The following OPCML variants were observed in gnomAD, a reference collection of about 807,000 sequenced individuals.
OPCML encodes the protein opioid-binding protein/cell adhesion molecule.
Under a neutral mutation model 37.8 loss-of-function variants are expected in OPCML, and 13 were observed. The observed-to-expected ratio is 0.34, with a 90% CI of 0.22 to 0.55. The LOEUF is 0.55. OPCML is among the 20% of genes least tolerant of loss of function. The probability of loss-of-function intolerance (pLI) is 0.91; values close to 1 mark genes in which losing one functional copy is unlikely to be tolerated. For synonymous variants in OPCML, 176 were observed against 168.8 expected (o/e 1.04, Z -0.33); for missense variants, 341 against 435.6 (o/e 0.78, Z 1.93).
intron 2 of OPCML, among the ~76,000 whole-genome samples, chr11:132,774,464 T>G: frequency 6.6e-6 from 1 of 152,170 alleles, no homozygotes; most frequent in East Asian, 1.9e-4. Context: ...TGGGACATAG[T>G]GCTGGAAAGC....
At chr11:133,512,856 A>G (rs1162259165) in intron 1 of OPCML, among the ~76,000 whole-genome samples, 1 of 152,216 alleles carries the variant, frequency 6.6e-6, no homozygotes, top group East Asian at 1.9e-4. Context: ...CCCTATCTAC[A>G]AGGATATTAG....
intron 4 of OPCML, among the ~76,000 whole-genome samples, chr11:132,442,819 T>G (rs1031292012): frequency 1.3e-5 from 2 of 152,186 alleles, no homozygotes; most frequent in African/African-American, 4.8e-5. Flanking sequence ...CCACTATGAC[T>G]GTGAGGCTTC....
At chr11:133,076,098 T>C (rs1307207395) in intron 1 of OPCML, among the ~76,000 whole-genome samples, 1 of 152,198 alleles carries the variant, frequency 6.6e-6, no homozygotes, top group Non-Finnish European at 1.5e-5. Flanking sequence ...ATTTTTTATA[T>C]AAACATATAT....
At chr11:133,315,510 C>A (rs1324741901) in intron 1 of OPCML, among the ~76,000 whole-genome samples, 4 of 152,146 alleles carry the variant, frequency 2.6e-5, no homozygotes, top group Non-Finnish European at 5.9e-5. Context: ...ACATTAAAAC[C>A]ATTTCAGGCT....
chr11:132,688,573 C>A (rs1943261519), intron 2 of OPCML, among the ~76,000 whole-genome samples: 2 of 152,048 alleles, frequency 1.3e-5, no homozygotes, highest in South Asian at 4.1e-4. Flanking sequence ...TCAATGCAGC[C>A]TGGAAATAAT....
At chr11:133,471,308 T>C (rs1308922561) in intron 1 of OPCML, among the ~76,000 whole-genome samples, 2 of 152,166 alleles carry the variant, frequency 1.3e-5, no homozygotes, top group Non-Finnish European at 2.9e-5. Context: ...CAAAGGAATA[T>C]GTAAAATAGA....
intron 3 of OPCML, among the ~76,000 whole-genome samples, chr11:132,575,884 T>A (rs573418864): frequency 7.0e-4 from 107 of 152,204 alleles, no homozygotes; most frequent in Non-Finnish European, 7.7e-4. Context: ...TTGTCTTCTA[T>A]TTTTTTAGAT....
chr11:132,438,608 G>A (rs2096021110), intron 4 of OPCML, among the ~76,000 whole-genome samples: 1 of 151,852 alleles, frequency 6.6e-6, no homozygotes, highest in East Asian at 1.9e-4. Flanking sequence ...AGGGTGTAGG[G>A]TGTGCAGCAG....
At chr11:133,511,816 C>T (rs1440674793) in intron 1 of OPCML, among the ~76,000 whole-genome samples, 2 of 151,988 alleles carry the variant, frequency 1.3e-5, no homozygotes, top group African/African-American at 2.4e-5. Flanking sequence ...ATGTAAGCTT[C>T]CTAAGGGCAG....
intron 3 of OPCML, among the ~76,000 whole-genome samples, chr11:132,633,689 C>A (rs544393690): frequency 6.6e-6 from 1 of 152,168 alleles, no homozygotes; most frequent in Admixed American, 6.5e-5. Context: ...TCAGATTGAG[C>A]CATCTCTTCT....
Position 133,007,781 on chromosome 11 carries a change from G to C in OPCML, c.62-64771C>G, listed in dbSNP as rs183423837. The C allele has an allele frequency of 4.1e-6, 4 of 985,442 alleles. No individual in the cohort carries two copies. The East Asian group carries it at 4.5e-4, about 112-fold the overall frequency. 61.0% of individuals were successfully genotyped at this position (985,442 alleles called of 1,614,324 possible). On this transcript the variant is annotated intron_variant, in intron 1 of 7. Coordinates refer to ENST00000524381, the MANE Select transcript of OPCML (RefSeq NM_001012393.5). ...GACGCAGGCATAGACATTTTGAATA[G>C]TTAGCACATGTATCATATCTCCTTG...
intron 1 of OPCML, among the ~76,000 whole-genome samples, chr11:133,508,812 G>T (rs779856256): frequency 1.3e-5 from 2 of 152,162 alleles, no homozygotes; most frequent in Non-Finnish European, 2.9e-5. Flanking sequence ...CGCTGAAAAC[G>T]ACTCGAGTCA....
intron 1 of OPCML, among the ~76,000 whole-genome samples, chr11:133,455,865 T>C (rs1330753984): frequency 6.6e-6 from 1 of 152,154 alleles, no homozygotes; most frequent in Non-Finnish European, 1.5e-5. Context: ...GGAAATTTTG[T>C]GGTGTTTTTA....
chr11:132,561,612 C>G (rs1029844694), intron 3 of OPCML, among the ~76,000 whole-genome samples: 2 of 152,194 alleles, frequency 1.3e-5, no homozygotes, highest in Non-Finnish European at 1.5e-5. Context: ...GCTGGGGGAC[C>G]ATATGGCTGC....
At chr11:132,814,649 C>G (rs1357588153) in intron 2 of OPCML, among the ~76,000 whole-genome samples, 1 of 152,218 alleles carries the variant, frequency 6.6e-6, no homozygotes, top group East Asian at 1.9e-4. Flanking sequence ...TCCTGAGACA[C>G]TTTCACAGAC....
chr11:132,699,055 A>G (rs1360794069), intron 2 of OPCML, among the ~76,000 whole-genome samples: 1 of 151,898 alleles, frequency 6.6e-6, no homozygotes, highest in Non-Finnish European at 1.5e-5. Flanking sequence ...AATCTCTTAT[A>G]GTTTTCAGTG....
intron 2 of OPCML, among the ~76,000 whole-genome samples, chr11:132,728,140 G>A (rs1432610111): frequency 6.6e-6 from 1 of 152,244 alleles, no homozygotes; most frequent in Non-Finnish European, 1.5e-5. Flanking sequence ...GCTGCTCCAT[G>A]GGAACACCTG....
rs1018489488 is a variant in OPCML at position 132,647,286 on chromosome 11, A to G, written c.379+9801T>C. ...TAGTTTTCTCATTCAAAAAAATGGG[A>G]ACATGAATCCCACCCTCTGGGGTTA... On this transcript the variant is annotated intron_variant, in intron 3 of 7. Transcript: ENST00000524381. Among the ~76,000 whole-genome samples the G allele has an allele frequency of 6.6e-5, 10 of 152,154 alleles. No individual in the cohort carries two copies. In the East Asian group the frequency reaches 1.7e-3, roughly 26 times the overall value.
intron 1 of OPCML, chr11:133,007,615 C>G: frequency 1.0e-6 from 1 of 985,402 alleles, no homozygotes. Context: ...CTGGGATGCA[C>G]ATGCTTATTT....
Sources: gnomAD v4.1 joint callset for allele counts (sites outside exome capture counted in the v4.1 genomes callset) on GRCh38, gnomAD v4.1.1 for gene constraint, MANE v1.5 for transcripts, NCBI Gene and HGNC (gene_info 2026-07-23, HGNC 2026-07-21) for gene names.